Variants in SND1 observed in about 807,000 individuals in gnomAD.
SND1 encodes staphylococcal nuclease domain-containing protein 1.
In SND1, 38 loss-of-function variants were observed where a neutral mutation model predicts 121.7. That is an observed-to-expected ratio of 0.31 (90% CI 0.24 to 0.41). The LOEUF is 0.41. Among genes scored for constraint, SND1 ranks in the 10% least tolerant of loss-of-function variants. SND1 has a pLI of 1.00. For synonymous variants in SND1, 401 were observed against 447.4 expected (o/e 0.90, Z 1.31); for missense variants, 868 against 1,184.6 (o/e 0.73, Z 3.92).
At chr7:127,701,427 T>A in intron 5 of SND1, 104 bp downstream of exon 5, 1 of 1,180,734 alleles carries the variant, frequency 8.5e-7, no homozygotes, top group Non-Finnish European at 1.2e-6. Context: ...TTCTTATACT[T>A]ATTTAGTATC....
intron 12 of SND1, among the ~76,000 whole-genome samples, chr7:127,852,784 C>T (rs1186011167): frequency 6.6e-6 from 1 of 151,556 alleles, no homozygotes; most frequent in Non-Finnish European, 1.5e-5. Context: ...GCACTCTAGC[C>T]TGGGTGACAG....
At chr7:128,068,116 G>A (rs962434486) in intron 16 of SND1, among the ~76,000 whole-genome samples, 2 of 152,132 alleles carry the variant, frequency 1.3e-5, no homozygotes, top group African/African-American at 4.8e-5. Flanking sequence ...CAGCTTGGCT[G>A]CAGGCTCCAG....
At chr7:127,707,497 G>A in intron 8 of SND1, 60 bp from the exon 9 acceptor site, 1 of 1,355,254 alleles carries the variant, frequency 7.4e-7, no homozygotes, top group Non-Finnish European at 1.1e-6. Context: ...GTGCTCCCAT[G>A]GTAGTGGTGG....
At chr7:128,022,345 A>G (rs900412406) in intron 16 of SND1, among the ~76,000 whole-genome samples, 1 of 152,228 alleles carries the variant, frequency 6.6e-6, no homozygotes, top group Non-Finnish European at 1.5e-5. Flanking sequence ...AGAATGAACA[A>G]ACCTGAAAGC....
At chr7:127,978,668 G>T (rs895885276) in intron 15 of SND1, among the ~76,000 whole-genome samples, 1 of 152,014 alleles carries the variant, frequency 6.6e-6, no homozygotes, top group East Asian at 1.9e-4. Context: ...TACCTTCTAG[G>T]TCACATGACC....
chr7:127,771,184 G>A (rs577814501), intron 10 of SND1, among the ~76,000 whole-genome samples: 1 of 152,308 alleles, frequency 6.6e-6, no homozygotes, highest in South Asian at 2.1e-4. Flanking sequence ...GTGTGCCTCT[G>A]CCAATTGCCT....
intron 16 of SND1, among the ~76,000 whole-genome samples, chr7:128,005,586 C>T (rs1035945247): frequency 6.6e-6 from 1 of 152,208 alleles, no homozygotes. Context: ...TATCCATTTC[C>T]TACCAAGCCA....
chr7:127,901,151 A>G (rs907407958), intron 13 of SND1, among the ~76,000 whole-genome samples: 3 of 152,178 alleles, frequency 2.0e-5, no homozygotes, highest in Non-Finnish European at 2.9e-5. Context: ...GAGCTCCACA[A>G]ATCTATCCCA....
At chr7:127,701,140 C>G (rs2116338320) in intron 4 of SND1, 23 bp from the exon 5 acceptor site, 1 of 1,612,346 alleles carries the variant, frequency 6.2e-7, no homozygotes, top group Non-Finnish European at 8.5e-7. Flanking sequence ...ACTAACCACT[C>G]TTGTTTATTT....
chr7:127,976,459 G>T (rs931808654), intron 15 of SND1, among the ~76,000 whole-genome samples: 1 of 152,244 alleles, frequency 6.6e-6, no homozygotes, highest in Non-Finnish European at 1.5e-5. Context: ...GAAGCTTTGT[G>T]TCCAGCATGA....
intron 1 of SND1, among the ~76,000 whole-genome samples, chr7:127,682,045 G>A (rs974438658): frequency 4.6e-5 from 7 of 152,200 alleles, no homozygotes; most frequent in African/African-American, 1.7e-4. Context: ...ACAAATTTCT[G>A]TACCATCCTT....
chr7:127,882,495 G>T (rs189194979), intron 12 of SND1, among the ~76,000 whole-genome samples: 1 of 151,938 alleles, frequency 6.6e-6, no homozygotes, highest in East Asian at 1.9e-4. Context: ...TGGAAATAGA[G>T]CACTGGAACA....
chr7:128,050,265 C>A (rs1002717913), intron 16 of SND1, among the ~76,000 whole-genome samples: 4 of 152,160 alleles, frequency 2.6e-5, no homozygotes, highest in African/African-American at 9.7e-5. Flanking sequence ...TGTTTTCTGG[C>A]CATCTTTAAT....
At chr7:127,823,636 AGTTT>A (rs1367878008) in intron 11 of SND1, among the ~76,000 whole-genome samples, 3 of 152,156 alleles carry the variant, frequency 2.0e-5, no homozygotes, top group Non-Finnish European at 2.9e-5. Context: ...TCTAACCATA[AGTTT>A]GTTTGATCAT....
chr7:127,715,962 T>G (rs1796381564), intron 9 of SND1, among the ~76,000 whole-genome samples: 1 of 152,242 alleles, frequency 6.6e-6, no homozygotes, highest in South Asian at 2.1e-4. Flanking sequence ...GACCATTTGT[T>G]GAAGACAGTC....
intron 10 of SND1, among the ~76,000 whole-genome samples, chr7:127,721,644 AG>A (rs1342801120): frequency 6.6e-6 from 1 of 152,108 alleles, no homozygotes; most frequent in Non-Finnish European, 1.5e-5. Context: ...ACTTCTCCCC[AG>A]GGGGCTTGAG....
At chr7:128,032,883 G>A (rs1276335971) in intron 16 of SND1, among the ~76,000 whole-genome samples, 2 of 152,232 alleles carry the variant, frequency 1.3e-5, no homozygotes, top group Non-Finnish European at 2.9e-5. Context: ...GGAAACAGTG[G>A]CAGGAATGAC....
At chr7:128,017,558 G>A (rs749137149) in intron 16 of SND1, among the ~76,000 whole-genome samples, 1 of 152,178 alleles carries the variant, frequency 6.6e-6, no homozygotes, top group Non-Finnish European at 1.5e-5. Context: ...CCTGGTCTCA[G>A]TTCCGAATGA....
chr7:127,738,279 T>C lies in SND1; in HGVS notation c.1152+16879T>C, dbSNP rs142902680. On this transcript the variant is annotated intron_variant, in intron 10 of 23. Coordinates refer to ENST00000354725, the MANE Select transcript of SND1 (RefSeq NM_014390.4). The stretch of plus-strand genomic sequence containing the variant: ...GCCTTCCTAAAAGGTGTTTCTTTTT[T>C]TTTTTTCTTTTTTTTTTTTTTTGAG... 5.1e-3 allele frequency among the ~76,000 whole-genome samples: 729 copies of C among 142,822 alleles called. 3 individuals are homozygous for C. The highest frequency in any genetic ancestry group is 0.017 in the African/African-American group (686 of 40,102). 93.7% of individuals were successfully genotyped at this position (142,822 alleles called of 152,430 possible).
Sources: allele counts gnomAD v4.1 joint callset (sites outside exome capture counted in the v4.1 genomes callset), GRCh38; gene constraint gnomAD v4.1.1; transcripts MANE v1.5; gene names NCBI Gene and HGNC (gene_info 2026-07-23, HGNC 2026-07-21).